TCF7L2: variants seen among roughly 807,000 people sequenced by gnomAD.
The protein encoded by TCF7L2 is transcription factor 7 like 2, also known as transcription factor 7-like 2.
In TCF7L2, 23 loss-of-function variants were observed where a neutral mutation model predicts 77.9. The ratio of observed to expected loss-of-function variants is 0.30; its 90% CI spans 0.21 to 0.42. TCF7L2 has a LOEUF of 0.42. Ranked by LOEUF, TCF7L2 falls within the 10% of genes least tolerant of loss-of-function variation. TCF7L2 has a pLI of 1.00. For missense variants in TCF7L2, 654 were observed against 793.1 expected (o/e 0.82, Z 2.11); for synonymous variants, 413 against 340.2 (o/e 1.21, Z -2.36).
At chr10:113,059,031 G>A (rs980569365) in intron 5 of TCF7L2, among the ~76,000 whole-genome samples, 5 of 152,130 alleles carry the variant, frequency 3.3e-5, no homozygotes, top group Admixed American at 2.0e-4. Context: ...TGCCCCAAAA[G>A]GTGGGAGTGG....
chr10:112,965,850 A>C (rs55790634), intron 4 of TCF7L2, among the ~76,000 whole-genome samples: 11,481 of 151,976 alleles, frequency 0.076, 1,397 homozygotes, highest in African/African-American at 0.26. Context: ...GTGTTTCTGT[A>C]CTCATTTTCA....
intron 5 of TCF7L2, among the ~76,000 whole-genome samples, chr10:113,138,491 A>G (rs1229381365): frequency 6.6e-6 from 1 of 152,162 alleles, no homozygotes; most frequent in Non-Finnish European, 1.5e-5. Flanking sequence ...TGTAAAGTAG[A>G]GAAAGAGGGT....
chr10:113,015,437 C>T (rs1192052394), intron 4 of TCF7L2, among the ~76,000 whole-genome samples: 1 of 148,838 alleles, frequency 6.7e-6, no homozygotes, highest in Non-Finnish European at 1.5e-5. Context: ...GCTTTTCCTG[C>T]CTGATGAGCT....
At chr10:113,069,954 T>G (rs1351030602) in intron 5 of TCF7L2, among the ~76,000 whole-genome samples, 1 of 151,156 alleles carries the variant, frequency 6.6e-6, no homozygotes, top group Non-Finnish European at 1.5e-5. Context: ...GTAGCAGGAG[T>G]CAGTCTTTAA....
chr10:113,102,696 G>A (rs1439998033), intron 5 of TCF7L2, among the ~76,000 whole-genome samples: 1 of 152,086 alleles, frequency 6.6e-6, no homozygotes, highest in Admixed American at 6.5e-5. Flanking sequence ...TAAGTACTGG[G>A]ATTACAGGCA....
chr10:112,956,344 CTTTT>C (rs10711698), intron 3 of TCF7L2, among the ~76,000 whole-genome samples: 18 of 112,222 alleles, frequency 1.6e-4, no homozygotes, highest in African/African-American at 3.4e-4. Context: ...AGTGATTTAC[CTTTT>C]TTTTTTTTTT....
At chr10:113,111,801 A>T (rs1743826) in intron 5 of TCF7L2, among the ~76,000 whole-genome samples, 61,319 of 150,218 alleles carry the variant, frequency 0.41, 13,801 homozygotes, top group East Asian at 0.95. Flanking sequence ...TTAAATAAAT[A>T]AAATAAATAA....
intron 4 of TCF7L2, among the ~76,000 whole-genome samples, chr10:112,971,189 T>C (rs759870264): frequency 2.1e-4 from 32 of 152,350 alleles, no homozygotes; most frequent in South Asian, 8.3e-4. Context: ...TCTAGTGATA[T>C]TTTAATATTA....
intron 5 of TCF7L2, among the ~76,000 whole-genome samples, chr10:113,055,892 C>T (rs1035651208): frequency 9.2e-5 from 14 of 152,352 alleles, no homozygotes; most frequent in African/African-American, 3.4e-4. Flanking sequence ...GAGTGGACAT[C>T]TGCTCTCTAA....
intron 5 of TCF7L2, among the ~76,000 whole-genome samples, chr10:113,137,927 T>C (rs1352225165): frequency 6.6e-6 from 1 of 152,108 alleles, no homozygotes; most frequent in Non-Finnish European, 1.5e-5. Flanking sequence ...TCGTGTGATG[T>C]AGGAAGAAAG....
At chr10:113,089,330 G>GT (rs1328960943) in intron 5 of TCF7L2, 29 of 1,536,508 alleles carry the variant, frequency 1.9e-5, no homozygotes, top group Non-Finnish European at 2.5e-5. Flanking sequence ...GCTGGGGGCT[G>GT]TGTGTGCCTT....
At chr10:113,024,472 C>A (rs2133934642) in intron 4 of TCF7L2, among the ~76,000 whole-genome samples, 1 of 152,198 alleles carries the variant, frequency 6.6e-6, no homozygotes, top group African/African-American at 2.4e-5. Flanking sequence ...GGTTAAATAA[C>A]CATTATCCAA....
intron 5 of TCF7L2, among the ~76,000 whole-genome samples, chr10:113,140,604 A>C (rs2068174757): frequency 6.6e-6 from 1 of 152,166 alleles, no homozygotes; most frequent in Admixed American, 6.5e-5. Context: ...ACTCCCACCC[A>C]AACCGTGAGT....
chr10:113,149,311 T>A (rs1247497920), intron 8 of TCF7L2, among the ~76,000 whole-genome samples: 4 of 152,196 alleles, frequency 2.6e-5, no homozygotes, highest in Admixed American at 2.6e-4. Context: ...ACATTTTCCT[T>A]CTCTCTCTCT....
intron 4 of TCF7L2, among the ~76,000 whole-genome samples, chr10:112,996,943 G>A (rs1467840802): frequency 6.6e-6 from 1 of 152,210 alleles, no homozygotes; most frequent in Non-Finnish European, 1.5e-5. Context: ...GGAAAGGAGA[G>A]GTTCATGCTC....
At chr10:113,066,153 A>G (rs1199236844) in intron 5 of TCF7L2, among the ~76,000 whole-genome samples, 1 of 152,154 alleles carries the variant, frequency 6.6e-6, no homozygotes, top group East Asian at 1.9e-4. Flanking sequence ...ACTTGAGATC[A>G]GGAGTACGAG....
chr10:113,044,746 G>A (rs974640148), intron 5 of TCF7L2, among the ~76,000 whole-genome samples: 1 of 152,154 alleles, frequency 6.6e-6, no homozygotes, highest in Non-Finnish European at 1.5e-5. Context: ...ATGGGGAGTG[G>A]GCAGAAGGAA....
chr10:113,050,467 G>C (rs1018786341), intron 5 of TCF7L2, among the ~76,000 whole-genome samples: 3 of 152,104 alleles, frequency 2.0e-5, no homozygotes, highest in Non-Finnish European at 4.4e-5. Context: ...CACACTAAGA[G>C]AAGTGTTTCC....
At chr10:113,141,047 G>A in intron 5 of TCF7L2, 137 bp from the exon 6 acceptor site, 1 of 1,017,098 alleles carries the variant, frequency 9.8e-7, no homozygotes, top group Non-Finnish European at 1.5e-6. Context: ...GGGGAGTATG[G>A]GATGGGCAGA....
Sources: gnomAD v4.1 joint callset for allele counts (sites outside exome capture counted in the v4.1 genomes callset) on GRCh38, gnomAD v4.1.1 for gene constraint, MANE v1.5 for transcripts, NCBI Gene and HGNC (gene_info 2026-07-23, HGNC 2026-07-21) for gene names.